The following NASP variants were observed in gnomAD, a reference collection of about 807,000 sequenced individuals.
The protein encoded by NASP is nuclear autoantigenic sperm protein.
NASP carries 24 observed loss-of-function variants against 89.5 expected under a neutral mutation model. The ratio of observed to expected loss-of-function variants is 0.27; its 90% CI spans 0.19 to 0.38. The LOEUF (loss-of-function observed/expected upper bound fraction) is 0.38, where lower values mean the gene tolerates loss of function less well. NASP is among the 10% of genes least tolerant of loss of function. The probability of loss-of-function intolerance (pLI) is 1.00; values close to 1 mark genes in which losing one functional copy is unlikely to be tolerated. For synonymous variants in NASP, 306 were observed against 324.7 expected, an observed-to-expected ratio of 0.94 and a Z score of 0.62; for missense variants, 848 against 921.4, an observed-to-expected ratio of 0.92 and a Z score of 1.03.
intron 1 of NASP, among the ~76,000 whole-genome samples, chr1:45,584,695 G>T (rs534369579): frequency 6.6e-6 from 1 of 152,228 alleles, no homozygotes; most frequent in South Asian, 2.1e-4. Context: ...GCGGGGCCTT[G>T]CTGAGGGCGG....
In NASP at chr1:45,584,116, C is replaced by G; in HGVS notation, c.-31C>G. The G allele has an allele frequency of 6.4e-7, 1 of 1,567,842 alleles. No homozygotes were observed. The highest frequency in any genetic ancestry group is 8.7e-7 in the Non-Finnish European group (1 of 1,154,480). Reference sequence around the variant, plus strand: ...GCCTGTTTTTCTCGCAGGCTCTATTCCGTTCGCTGGTTCGCCACCTCAGGG... The same window carrying G: ...GCCTGTTTTTCTCGCAGGCTCTATTGCGTTCGCTGGTTCGCCACCTCAGGG... On this transcript the variant is annotated 5_prime_UTR_variant, in exon 1 of 15. Transcript: ENST00000350030.
Position 45,607,395 on chromosome 1 carries a change from G to T in NASP, c.484G>T (p.Asp162Tyr). 35 of 1,614,018 alleles carry T rather than the reference G, an allele frequency of 2.2e-5. No individual in the cohort carries two copies. Among genetic ancestry groups the T allele is most frequent in the Non-Finnish European group, 3.0e-5 (35 of 1,179,950 alleles). Residue 162 changes from aspartate to tyrosine, a missense_variant, in exon 6 of 15, where the codon GAC (aspartate) becomes TAC (tyrosine). Coordinates refer to ENST00000350030, the MANE Select transcript of NASP (RefSeq NM_002482.4). Reference sequence around the variant, plus strand: ...AAAAGAAGAAGCCAAAAAAACAGAAGACAAGTCTTTGGCAAAGCCTGAAAC... The same window carrying T: ...AAAAGAAGAAGCCAAAAAAACAGAATACAAGTCTTTGGCAAAGCCTGAAAC... ...GEKEEAKKTE[D>Y]KSLAKPETDK... is the part of the protein sequence containing the mutation.
At chr1:45,609,683 T>C (rs1186788927) in intron 6 of NASP, 1 of 152,194 alleles carries the variant, frequency 6.6e-6, no homozygotes, top group Non-Finnish European at 1.5e-5. Context: ...ATAATTAACA[T>C]TGTTAGAACT....
chr1:45,600,423 C>A, intron 2 of NASP: 3 of 1,290,178 alleles, frequency 2.3e-6, no homozygotes, highest in Non-Finnish European at 3.1e-6. Flanking sequence ...AGATGGGTTG[C>A]ATTTTGTAGA....
rs56181355 is a variant in NASP, at chr1:45,588,957, GTGTTTGTTTGTT to G, written c.60-2250_60-2239del. The G allele has an allele frequency of 5.0e-5, 8 of 161,208 alleles. No individual in the cohort carries two copies. In the South Asian group the frequency reaches 5.6e-4, roughly 11 times the overall value. The allele number at this position is 161,208 out of a possible 1,614,324, so 10.0% of individuals were successfully genotyped here. On this transcript the variant is annotated intron_variant, in intron 1 of 14. Transcript: ENST00000350030. The stretch of plus-strand genomic sequence containing the variant: ...AGAATGAGCAGTAGCAGGTGGTCAA[GTGTTTGTTTGTT>G]TGTTTGTTTGTTTGTGAGTGTTTAT...
chr1:45,601,039 C>T (rs936149879), intron 2 of NASP, among the ~76,000 whole-genome samples: 1 of 151,996 alleles, frequency 6.6e-6, no homozygotes, highest in Non-Finnish European at 1.5e-5. Flanking sequence ...TTTTTTATTA[C>T]TACGTTCTAA....
Position 45,615,417 on chromosome 1 carries a change from A to C in NASP, c.1968A>C (p.Ala656=), listed in dbSNP as rs1644088884. The C allele has an allele frequency of 1.2e-6, 2 of 1,614,098 alleles. No homozygotes were observed. The highest frequency in any genetic ancestry group is 2.2e-5 in the South Asian group (2 of 91,082). Residue 656 remains alanine, a synonymous_variant, in exon 11 of 15, where the codon GCA becomes GCC. Transcript: ENST00000350030. ...LPEIREKIED[A]KESQRSGNVA... ...AAATTAGAGAGAAGATAGAAGATGC[A>C]AAGGAGTCTCAGCGTAGTGGGAATG...
At position 45,591,239 on chromosome 1, in the gene NASP, G is replaced by C; in HGVS notation, c.76G>C (p.Ala26Pro). The C allele has an allele frequency of 6.5e-7, 1 of 1,543,220 alleles. No homozygotes were observed. The highest frequency in any genetic ancestry group is 8.7e-7 in the Non-Finnish European group (1 of 1,147,634). ...TTATTACAGAATTGAAGATGTTCCT[G>C]CTCCTTCTACATCTGCAGATAAAGT... The part of the protein sequence containing the change: ...VSADKIEDVP[A>P]PSTSADKVES... Residue 26 changes from alanine (A) to proline (P), a missense_variant, in exon 2 of 15, where the codon GCT becomes CCT. By Grantham distance (27) the Ala-to-Pro change is conservative (BLOSUM62 -1). Coordinates refer to ENST00000350030, the MANE Select transcript of NASP (RefSeq NM_002482.4).
Position 45,617,599 on chromosome 1 carries a change from G to A in NASP, c.2286+8G>A. 1.3e-6 allele frequency: 2 copies of A among 1,577,748 alleles called. No homozygotes were observed. The highest frequency in any genetic ancestry group is 1.7e-6 in the Non-Finnish European group (2 of 1,165,560). ...GAAAACATGGAGGAGGAGGTGGGCA[G>A]TTAAGCAGGGCTTAGCCTCTTGCCT... On this transcript the variant is annotated splice_region_variant and intron_variant, in intron 14 of 14. Coordinates refer to ENST00000350030, the MANE Select transcript of NASP (RefSeq NM_002482.4).
chr1:45,617,626 A>C, intron 14 of NASP, 35 bp downstream of exon 14: 1 of 1,540,246 alleles, frequency 6.5e-7, no homozygotes, highest in Non-Finnish European at 8.7e-7. Flanking sequence ...CTCTTGCCTC[A>C]TTCCTTGTTC....
intron 14 of NASP, 133 bp downstream of exon 14, chr1:45,617,724 C>T (rs1644131827): frequency 6.3e-6 from 7 of 1,119,468 alleles, no homozygotes; most frequent in East Asian, 5.2e-5. Context: ...TCACAGAAAA[C>T]GGTACTTGTG....
rs969344828 is a variant in NASP at position 45,618,112 on chromosome 1, G to T, written c.2338G>T (p.Gly780Ter). 1.2e-6 allele frequency: 2 copies of T among 1,600,992 alleles called. No homozygotes were observed. The highest frequency in any genetic ancestry group is 1.7e-6 in the Non-Finnish European group (2 of 1,173,512). The stretch of plus-strand genomic sequence containing the variant: ...AGCAGTGGAGGGGACAGTGGAGGCT[G>T]GAGCTACAGTTGAAAGCACTGCATG... ...RAAVEGTVEAGATVESTAC is the reference protein window; with the variant it reads ...RAAVEGTVEA Residue 780 changes from glycine to a stop codon, truncating the protein, a stop_gained, in exon 15 of 15, where the codon GGA (glycine) becomes TGA (stop). Transcript: ENST00000350030. LOFTEE classifies it high-confidence loss of function.
intron 2 of NASP, among the ~76,000 whole-genome samples, chr1:45,596,560 A>G (rs906427715): frequency 1.3e-5 from 2 of 152,186 alleles, no homozygotes; most frequent in Non-Finnish European, 2.9e-5. Context: ...TATTGTGAGT[A>G]CTGCTGCTGT....
At chr1:45,614,753 G>A (rs915569914) in intron 9 of NASP, among the ~76,000 whole-genome samples, 5 of 151,964 alleles carry the variant, frequency 3.3e-5, no homozygotes, top group African/African-American at 1.2e-4. Context: ...TGGCCAGGCT[G>A]GTCTTGAACT....
intron 2 of NASP, among the ~76,000 whole-genome samples, chr1:45,593,551 A>AC: frequency 6.6e-6 from 1 of 151,608 alleles, no homozygotes. Context: ...AAAAAAAAAA[A>AC]AAAACTCCGA....
intron 2 of NASP, among the ~76,000 whole-genome samples, chr1:45,601,745 ATTTTT>A (rs71056316): frequency 1.2e-4 from 8 of 68,932 alleles, no homozygotes; most frequent in Non-Finnish European, 1.2e-4. Flanking sequence ...CGTTAAGAGA[ATTTTT>A]TTTTTTTTTT....
At chr1:45,588,507 C>A in intron 1 of NASP, 1 of 301,868 alleles carries the variant, frequency 3.3e-6, no homozygotes, top group South Asian at 2.5e-5. Flanking sequence ...CTTCTGCCTT[C>A]CAAAGTGCAG....
intron 1 of NASP, among the ~76,000 whole-genome samples, chr1:45,586,278 GT>G (rs1299353705): frequency 3.5e-4 from 16 of 45,652 alleles, no homozygotes; most frequent in African/African-American, 8.2e-4. Context: ...GTGTGTGTGT[GT>G]GTGTGGTGTG....
chr1:45,617,206 ATTAC>A, intron 13 of NASP: 1 of 406,104 alleles, frequency 2.5e-6, no homozygotes, highest in Non-Finnish European at 4.4e-6. Flanking sequence ...TTGTACAGTG[ATTAC>A]CATTCACATC....
Sources: allele counts gnomAD v4.1 joint callset (sites outside exome capture counted in the v4.1 genomes callset), GRCh38; gene constraint gnomAD v4.1.1; transcripts MANE v1.5; gene names NCBI Gene and HGNC (gene_info 2026-07-23, HGNC 2026-07-21).